The following STPG4 variants were observed in gnomAD, a reference collection of about 807,000 sequenced individuals.
The protein encoded by STPG4 is protein STPG4.
Under a neutral mutation model 31.5 loss-of-function variants are expected in STPG4, and 41 were observed. The observed-to-expected ratio is 1.30, with a 90% CI of 1.01 to 1.69. The LOEUF (loss-of-function observed/expected upper bound fraction) is 1.69. STPG4 is among the 40% of genes most tolerant of loss of function. The pLI is 0.00. For synonymous variants in STPG4, 141 were observed against 103.0 expected (o/e 1.37, Z -2.24); for missense variants, 375 against 293.4 (o/e 1.28, Z -2.03).
chr2:47,088,029 A>G (rs1232106684), intron 6 of STPG4, among the ~76,000 whole-genome samples: 1 of 151,998 alleles, frequency 6.6e-6, no homozygotes, highest in Non-Finnish European at 1.5e-5. Flanking sequence ...TTGGGATTAC[A>G]GGTGTGAGCC....
At chr2:47,100,015 C>T (rs995068382) in intron 5 of STPG4, among the ~76,000 whole-genome samples, 8 of 152,130 alleles carry the variant, frequency 5.3e-5, no homozygotes, top group African/African-American at 1.7e-4. Flanking sequence ...GAGCCTCCCA[C>T]CCCTTCCATG....
intron 6 of STPG4, among the ~76,000 whole-genome samples, chr2:47,089,654 T>TAA (rs35936692): frequency 0.19 from 27,470 of 148,418 alleles, 2,699 homozygotes; most frequent in South Asian, 0.28. Context: ...CTTTTGACAT[T>TAA]AAAAAAAAAA....
chr2:47,093,856 C>T (rs115764931), intron 5 of STPG4, among the ~76,000 whole-genome samples: 1,940 of 152,324 alleles, frequency 0.013, 41 homozygotes, highest in African/African-American at 0.043. Context: ...AGGCATGCTG[C>T]GGCAAAGCCG....
chr2:47,147,044 G>A (rs376477349), intron 3 of STPG4, among the ~76,000 whole-genome samples: 3 of 152,230 alleles, frequency 2.0e-5, no homozygotes, highest in African/African-American at 7.2e-5. Flanking sequence ...GGAAGCTAAG[G>A]GGGAGGATTG....
chr2:47,106,330 C>G (rs945621561), intron 5 of STPG4, among the ~76,000 whole-genome samples: 1 of 151,718 alleles, frequency 6.6e-6, no homozygotes, highest in African/African-American at 2.4e-5. Flanking sequence ...CCCAGGAAAT[C>G]AGACCTTATC....
intron 5 of STPG4, among the ~76,000 whole-genome samples, chr2:47,091,405 A>C (rs1392431103): frequency 6.6e-6 from 1 of 152,230 alleles, no homozygotes; most frequent in African/African-American, 2.4e-5. Flanking sequence ...TTCAGCCTAG[A>C]ATGTGGCAGG....
intron 5 of STPG4, among the ~76,000 whole-genome samples, chr2:47,108,955 G>C (rs1558675639): frequency 6.6e-6 from 1 of 152,252 alleles, no homozygotes; most frequent in Non-Finnish European, 1.5e-5. Flanking sequence ...AAGTAGGAGA[G>C]AGATGAAGAT....
intron 5 of STPG4, among the ~76,000 whole-genome samples, chr2:47,111,041 A>G (rs1490438273): frequency 6.6e-6 from 1 of 152,216 alleles, no homozygotes; most frequent in Non-Finnish European, 1.5e-5. Flanking sequence ...TGTATTTAAG[A>G]TAATTACTTT....
intron 3 of STPG4, among the ~76,000 whole-genome samples, chr2:47,136,839 C>T (rs1451632247): frequency 6.6e-6 from 1 of 152,114 alleles, no homozygotes; most frequent in Non-Finnish European, 1.5e-5. Flanking sequence ...GTATATTAAC[C>T]TTTATCCTGC....
In STPG4 at chr2:47,155,273, G is replaced by A. The variant is rs746142415; in HGVS notation, c.-22C>T. 8 of 1,613,292 alleles carry A rather than the reference G, an allele frequency of 5.0e-6. No individual in the cohort carries two copies. The highest frequency in any genetic ancestry group is 3.3e-5 in the Admixed American group (2 of 60,014). On this transcript the variant is annotated 5_prime_UTR_variant, in exon 1 of 7. Transcript: ENST00000445927. ...CCATGGTGGCCTCCTCTCTCTCTAG[G>A]CTGAACCTGAGCTCCGGTTGCTAGG... is the stretch of plus-strand genomic sequence containing the variant.
intron 3 of STPG4, among the ~76,000 whole-genome samples, chr2:47,137,877 A>G (rs1047693851): frequency 4.6e-5 from 7 of 152,020 alleles, no homozygotes; most frequent in Non-Finnish European, 8.8e-5. Context: ...TTTCTTAGTT[A>G]GCCTAGATAG....
intron 5 of STPG4, among the ~76,000 whole-genome samples, chr2:47,105,376 G>A (rs1156436237): frequency 6.6e-6 from 1 of 151,992 alleles, no homozygotes; most frequent in Non-Finnish European, 1.5e-5. Context: ...TACTCATGAT[G>A]TAAATGGCAT....
At chr2:47,138,675 A>C (rs6739161) in intron 3 of STPG4, among the ~76,000 whole-genome samples, 1 of 152,018 alleles carries the variant, frequency 6.6e-6, no homozygotes, top group Non-Finnish European at 1.5e-5. Flanking sequence ...TCAGCCTCCC[A>C]AGTAGCTGGG....
intron 1 of STPG4, among the ~76,000 whole-genome samples, chr2:47,153,456 G>T (rs142897499): frequency 1.2e-4 from 19 of 152,296 alleles, no homozygotes; most frequent in Admixed American, 2.6e-4. Flanking sequence ...GTTGGCATGA[G>T]AATAAAGCAT....
chr2:47,125,603 T>C (rs1045383157), intron 5 of STPG4, among the ~76,000 whole-genome samples: 1 of 152,218 alleles, frequency 6.6e-6, no homozygotes, highest in African/African-American at 2.4e-5. Context: ...CATTTACACA[T>C]TTTTGCTTTG....
At chr2:47,089,111 A>T (rs970813841) in intron 6 of STPG4, among the ~76,000 whole-genome samples, 4 of 152,178 alleles carry the variant, frequency 2.6e-5, no homozygotes, top group African/African-American at 7.2e-5. Flanking sequence ...CCACGCCCGT[A>T]TGGTGAATGC....
At chr2:47,093,551 T>A (rs10177057) in intron 5 of STPG4, among the ~76,000 whole-genome samples, 4,202 of 152,302 alleles carry the variant, frequency 0.028, 171 homozygotes, top group African/African-American at 0.096. Context: ...GATGGCCATC[T>A]GCAGAATGGC....
chr2:47,103,946 T>C lies in STPG4; in HGVS notation c.520-13572A>G, dbSNP rs187595317. On this transcript the variant is annotated intron_variant, in intron 5 of 6. Transcript: ENST00000445927. ...AGATCCATTACCATCTGAGGAATCCTGGGACAGTCTGTAACCAGGTATTTC... is the reference window on the plus strand; with the variant it reads ...AGATCCATTACCATCTGAGGAATCCCGGGACAGTCTGTAACCAGGTATTTC... 9.2e-5 allele frequency among the ~76,000 whole-genome samples: 14 copies of C among 152,142 alleles called. No homozygotes were observed. The East Asian group carries it at 2.5e-3, about 27-fold the overall frequency.
In STPG4 at chr2:47,127,760, C is replaced by T. The variant is rs567925938; in HGVS notation, c.519+2181G>A. Among the ~76,000 whole-genome samples, 14 of 152,138 alleles carry T rather than the reference C, an allele frequency of 9.2e-5. No individual in the cohort carries two copies. In the South Asian group the frequency reaches 2.9e-3, roughly 32 times the overall value. ...CTCTGTGTCATCTTAAATTTTGTTG[C>T]ACTTTGTCAAAACAGCTATTTTGAG... On this transcript the variant is annotated intron_variant, in intron 5 of 6. Coordinates refer to ENST00000445927, the MANE Select transcript of STPG4 (RefSeq NM_001163561.2).
Sources: allele counts gnomAD v4.1 joint callset (sites outside exome capture counted in the v4.1 genomes callset), GRCh38; gene constraint gnomAD v4.1.1; transcripts MANE v1.5; gene names NCBI Gene and HGNC (gene_info 2026-07-23, HGNC 2026-07-21).